GRM1: variants seen among roughly 807,000 people sequenced by gnomAD.
The protein encoded by GRM1 is metabotropic glutamate receptor 1.
A neutral mutation model predicts 90.9 loss-of-function variants in GRM1; 33 were observed. The ratio of observed to expected loss-of-function variants is 0.36; its 90% confidence interval spans 0.28 to 0.49. The LOEUF (loss-of-function observed/expected upper bound fraction) is 0.49, where lower values mean the gene tolerates loss of function less well. GRM1 is among the 20% of genes least tolerant of loss of function. The pLI is 0.99. For missense variants in GRM1, 1,190 were observed against 1,534.3 expected, an observed-to-expected ratio of 0.78 and a Z score of 3.75; for synonymous variants, 700 against 613.2, an observed-to-expected ratio of 1.14 and a Z score of -2.09.
chr6:146,097,161 A>T (rs1776901332), intron 1 of GRM1, among the ~76,000 whole-genome samples: 1 of 152,132 alleles, frequency 6.6e-6, no homozygotes, highest in Non-Finnish European at 1.5e-5. Context: ...TAATAAATTA[A>T]ATTTTAGGGA....
rs1464234977 is a variant in GRM1 at position 146,267,751 on chromosome 6, GTCTCGTCTCT to G, written c.951-36857_951-36848del. 1.4e-4 allele frequency among the ~76,000 whole-genome samples: 20 copies of G among 147,076 alleles called. No individual in the cohort carries two copies. In the East Asian group the frequency reaches 1.4e-3, roughly 10 times the overall value. ...GTCTCGTCTCGTCTCGTCTCGTCTC[GTCTCGTCTCT>G]TCATGTTTTTCTGCCTGCTTTATAT... On this transcript the variant is annotated intron_variant, in intron 2 of 7. Transcript: ENST00000282753.
intron 2 of GRM1, among the ~76,000 whole-genome samples, chr6:146,270,946 TTCCTTCC>T (rs1782128989): frequency 7.5e-6 from 1 of 133,498 alleles, no homozygotes; most frequent in South Asian, 2.3e-4. Flanking sequence ...CCTTCCTTCC[TTCCTTCC>T]TTTCTTTCTT....
chr6:146,052,367 A>G (rs931980713), intron 1 of GRM1, among the ~76,000 whole-genome samples: 2 of 151,890 alleles, frequency 1.3e-5, no homozygotes, highest in Non-Finnish European at 2.9e-5. Flanking sequence ...CATTACATTT[A>G]TCTAGGGAGC....
intron 3 of GRM1, among the ~76,000 whole-genome samples, chr6:146,309,957 C>T (rs996196643): frequency 1.3e-5 from 2 of 152,184 alleles, no homozygotes; most frequent in African/African-American, 4.8e-5. Flanking sequence ...GCCTTTTTCA[C>T]ACCTCAGTGA....
chr6:146,196,463 A>ATTTTTTT (rs772811053), intron 2 of GRM1, among the ~76,000 whole-genome samples: 1 of 85,988 alleles, frequency 1.2e-5, no homozygotes. Flanking sequence ...AATTTTTTGT[A>ATTTTTTT]TTTTTTTTTT....
intron 2 of GRM1, among the ~76,000 whole-genome samples, chr6:146,296,887 G>T (rs1783195865): frequency 6.6e-6 from 1 of 152,016 alleles, no homozygotes; most frequent in African/African-American, 2.4e-5. Flanking sequence ...TTTCTGTTTG[G>T]GTCTCAGCTT....
At chr6:146,131,594 G>A (rs567977644) in intron 1 of GRM1, among the ~76,000 whole-genome samples, 14 of 151,842 alleles carry the variant, frequency 9.2e-5, no homozygotes, top group Non-Finnish European at 1.5e-4. Context: ...ACCTCCACTC[G>A]GACAAAGAGT....
chr6:146,255,073 A>G (rs1028831149), intron 2 of GRM1, among the ~76,000 whole-genome samples: 2 of 152,174 alleles, frequency 1.3e-5, no homozygotes, highest in Non-Finnish European at 2.9e-5. Flanking sequence ...CAAAACTACA[A>G]CCGCCTTCTT....
At chr6:146,216,191 G>T (rs1423689091) in intron 2 of GRM1, among the ~76,000 whole-genome samples, 2 of 152,122 alleles carry the variant, frequency 1.3e-5, no homozygotes, top group East Asian at 1.9e-4. Context: ...TATTAGATTT[G>T]TCCAGTTGAA....
chr6:146,089,622 C>T (rs2128866863), intron 1 of GRM1, among the ~76,000 whole-genome samples: 1 of 152,046 alleles, frequency 6.6e-6, no homozygotes, highest in South Asian at 2.1e-4. Flanking sequence ...TATATTGATG[C>T]CTTTATTTTA....
At chr6:146,358,412 G>C (rs1183386079) in intron 5 of GRM1, among the ~76,000 whole-genome samples, 1 of 152,170 alleles carries the variant, frequency 6.6e-6, no homozygotes, top group Non-Finnish European at 1.5e-5. Context: ...GCTAGGAAAT[G>C]GAGCATAGGG....
intron 1 of GRM1, among the ~76,000 whole-genome samples, chr6:146,112,761 C>G (rs932564684): frequency 3.1e-4 from 47 of 152,148 alleles, no homozygotes; most frequent in African/African-American, 1.1e-3. Context: ...GGGTTTTATG[C>G]AACTTCAAAT....
chr6:146,369,967 A>G (rs563198170), intron 5 of GRM1, among the ~76,000 whole-genome samples: 1 of 152,140 alleles, frequency 6.6e-6, no homozygotes, highest in South Asian at 2.1e-4. Context: ...CTGTCTCTTT[A>G]TGTCTATGAA....
chr6:146,365,702 G>C (rs1026440870), intron 5 of GRM1, among the ~76,000 whole-genome samples: 4 of 152,140 alleles, frequency 2.6e-5, no homozygotes, highest in African/African-American at 9.7e-5. Flanking sequence ...TCTTTCACCA[G>C]ATAGCTACGC....
At position 146,398,839 on chromosome 6, in the gene GRM1, A is replaced by C. The variant is rs1455302854; in HGVS notation, c.1800A>C (p.Ser600=). Residue 600 remains serine, a synonymous_variant, in exon 7 of 8, where the codon TCA becomes TCC. Coordinates refer to ENST00000282753, the MANE Select transcript of GRM1 (RefSeq NM_001278064.2). ...AATCCATTATAGCCATCGCCTTTTC[A>C]TGCCTGGGAATCCTTGTTACCTTGT... ...NIESIIAIAF[S]CLGILVTLFV... 1 of 1,613,664 alleles carries C rather than the reference A, an allele frequency of 6.2e-7. No individual in the cohort carries two copies. Among genetic ancestry groups the C allele is most frequent in the Admixed American group, 1.7e-5 (1 of 59,990 alleles).
chr6:146,083,284 T>TGA, intron 1 of GRM1, among the ~76,000 whole-genome samples: 1 of 152,122 alleles, frequency 6.6e-6, no homozygotes, highest in Non-Finnish European at 1.5e-5. Flanking sequence ...ATAGGAGTGG[T>TGA]GAGAGAGAGC....
chr6:146,340,090 T>C (rs1226913348), intron 3 of GRM1, among the ~76,000 whole-genome samples: 2 of 152,196 alleles, frequency 1.3e-5, no homozygotes, highest in African/African-American at 4.8e-5. Context: ...CTGCCTTCAC[T>C]TTAGATTCTG....
At chr6:146,249,750 C>T (rs1257935858) in intron 2 of GRM1, among the ~76,000 whole-genome samples, 1 of 152,146 alleles carries the variant, frequency 6.6e-6, no homozygotes, top group Non-Finnish European at 1.5e-5. Context: ...ATCCTCCAGA[C>T]CCCAAAATGG....
rs115381133 is a variant in GRM1 at position 146,099,913 on chromosome 6, A to G, written c.701-59435A>G. 6.6e-3 allele frequency among the ~76,000 whole-genome samples: 1,006 copies of G among 152,326 alleles called. 13 individuals carry two copies. The highest frequency in any genetic ancestry group is 0.022 in the African/African-American group (928 of 41,566). On this transcript the variant is annotated intron_variant, in intron 1 of 7. Transcript: ENST00000282753. The stretch of plus-strand genomic sequence containing the variant: ...CAGTGGAATTGCTGGGTCAAAGGGT[A>G]TGTGTGCCTCAACTAGGCTAGAAAA...
Sources: gnomAD v4.1 joint callset for allele counts (sites outside exome capture counted in the v4.1 genomes callset) on GRCh38, gnomAD v4.1.1 for gene constraint, MANE v1.5 for transcripts, NCBI Gene and HGNC (gene_info 2026-07-23, HGNC 2026-07-21) for gene names.